Variants in NPAS3 observed in about 807,000 individuals in gnomAD.
NPAS3 encodes the protein neuronal PAS domain-containing protein 3.
In NPAS3, 14 loss-of-function variants were observed where a neutral mutation model predicts 73.1. That is an observed-to-expected ratio of 0.19 (90% confidence interval 0.13 to 0.30). The LOEUF (loss-of-function observed/expected upper bound fraction) is 0.30, where lower values mean the gene tolerates loss of function less well. Ranked by LOEUF, NPAS3 falls within the 10% of genes least tolerant of loss-of-function variation. The pLI is 1.00. For synonymous variants in NPAS3, 620 were observed against 541.5 expected (o/e 1.14, Z -2.01); for missense variants, 1,096 against 1,250.0 (o/e 0.88, Z 1.86).
At chr14:33,486,991 G>A (rs2051635935) in intron 4 of NPAS3, among the ~76,000 whole-genome samples, 1 of 152,062 alleles carries the variant, frequency 6.6e-6, no homozygotes, top group Non-Finnish European at 1.5e-5. Context: ...TTATTCCAGT[G>A]GTTAAATTTG....
At chr14:33,642,280 C>T (rs2058695019) in intron 5 of NPAS3, among the ~76,000 whole-genome samples, 1 of 152,072 alleles carries the variant, frequency 6.6e-6, no homozygotes. Context: ...CCCACCATCC[C>T]CCAGATTAAT....
intron 5 of NPAS3, among the ~76,000 whole-genome samples, chr14:33,667,678 G>A (rs989678373): frequency 6.6e-6 from 1 of 152,090 alleles, no homozygotes; most frequent in Non-Finnish European, 1.5e-5. Context: ...AAATAAAATA[G>A]CAGTATATTA....
At chr14:33,785,289 G>T (rs1336248227) in intron 9 of NPAS3, among the ~76,000 whole-genome samples, 1 of 151,564 alleles carries the variant, frequency 6.6e-6, no homozygotes, top group Non-Finnish European at 1.5e-5. Context: ...ACAAAAATTA[G>T]CTGGGCATGG....
chr14:33,078,400 T>G (rs2041744664), intron 2 of NPAS3, among the ~76,000 whole-genome samples: 1 of 152,108 alleles, frequency 6.6e-6, no homozygotes, highest in African/African-American at 2.4e-5. Flanking sequence ...TGCATTTAAA[T>G]TGGCTTCCAA....
chr14:33,667,358 G>T (rs938361152), intron 5 of NPAS3, among the ~76,000 whole-genome samples: 2 of 152,080 alleles, frequency 1.3e-5, no homozygotes, highest in African/African-American at 4.8e-5. Flanking sequence ...GCATTGTTCT[G>T]GTGAGACAAG....
chr14:33,290,134 C>T (rs1345224637), intron 3 of NPAS3, among the ~76,000 whole-genome samples: 2 of 152,130 alleles, frequency 1.3e-5, no homozygotes, highest in African/African-American at 4.8e-5. Flanking sequence ...ATATCTATCA[C>T]AGCTTTTAAA....
intron 4 of NPAS3, among the ~76,000 whole-genome samples, chr14:33,429,804 C>G (rs562492210): frequency 6.6e-6 from 1 of 152,264 alleles, no homozygotes; most frequent in Non-Finnish European, 1.5e-5. Flanking sequence ...TATGTGCTGC[C>G]TGGCTCTCCA....
chr14:33,800,373 A>C lies in NPAS3; in HGVS notation c.2066A>C (p.Glu689Ala). ...AGCATGACCAAGCCCCCCAGCTCTG[A>C]GCACTTCCCGTCCCCGCAGGGCGGC... Residue 689 changes from glutamate (E) to alanine (A), a missense_variant, in exon 12 of 12, where the codon GAG (glutamate) becomes GCG (alanine). Physicochemically the swap from Glu to Ala is moderately radical, Grantham distance 107 (BLOSUM62 -1). Coordinates refer to ENST00000356141, the Ensembl canonical transcript of NPAS3. The surrounding 1 kb of genome is among the most constrained non-coding windows in gnomAD (Gnocchi z 6.5). The C allele has an allele frequency of 6.2e-7, 1 of 1,609,410 alleles. No individual in the cohort carries two copies. The highest frequency in any genetic ancestry group is 2.3e-5 in the East Asian group (1 of 44,418).
chr14:33,034,326 C>T (rs1321467627), intron 1 of NPAS3, among the ~76,000 whole-genome samples: 1 of 151,438 alleles, frequency 6.6e-6, no homozygotes, highest in Non-Finnish European at 1.5e-5. Context: ...ATAAATGAAA[C>T]CTTGAGTCTT....
intron 4 of NPAS3, among the ~76,000 whole-genome samples, chr14:33,495,244 G>A (rs1055082687): frequency 1.3e-5 from 2 of 152,032 alleles, no homozygotes; most frequent in African/African-American, 2.4e-5. Flanking sequence ...CCCAGTAAAG[G>A]AGCAGGAGCA....
intron 6 of NPAS3, among the ~76,000 whole-genome samples, chr14:33,732,353 T>C (rs937832790): frequency 2.0e-5 from 3 of 152,242 alleles, no homozygotes; most frequent in African/African-American, 7.2e-5. Flanking sequence ...CGTGAGACAG[T>C]TCAAAAGCAT....
chr14:33,334,654 C>T (rs1207036784), intron 3 of NPAS3, among the ~76,000 whole-genome samples: 1 of 152,110 alleles, frequency 6.6e-6, no homozygotes, highest in Non-Finnish European at 1.5e-5. Context: ...TAGGCACCAT[C>T]TGATGTTCAG....
intron 4 of NPAS3, among the ~76,000 whole-genome samples, chr14:33,417,115 T>C (rs918664871): frequency 6.6e-6 from 1 of 152,022 alleles, no homozygotes; most frequent in Non-Finnish European, 1.5e-5. Context: ...GCAGCCTAAT[T>C]GATAGATATG....
intron 4 of NPAS3, among the ~76,000 whole-genome samples, chr14:33,476,134 G>A (rs1458799627): frequency 5.3e-5 from 8 of 152,150 alleles, no homozygotes; most frequent in Non-Finnish European, 7.4e-5. Context: ...TTTCTAATAC[G>A]TTGTTGGTTT....
At chr14:33,555,518 T>A (rs932537459) in intron 4 of NPAS3, among the ~76,000 whole-genome samples, 1 of 152,196 alleles carries the variant, frequency 6.6e-6, no homozygotes, top group Non-Finnish European at 1.5e-5. Flanking sequence ...ATTCAAAATT[T>A]AAAAAAAATT....
At chr14:33,353,991 G>A (rs2045208791) in intron 3 of NPAS3, among the ~76,000 whole-genome samples, 1 of 152,090 alleles carries the variant, frequency 6.6e-6, no homozygotes, top group Non-Finnish European at 1.5e-5. Flanking sequence ...CCACACCATG[G>A]TACATTAAGT....
At chr14:33,195,683 G>T (rs939354059) in intron 2 of NPAS3, among the ~76,000 whole-genome samples, 2 of 152,230 alleles carry the variant, frequency 1.3e-5, no homozygotes, top group African/African-American at 4.8e-5. Flanking sequence ...ACTGTTTTGT[G>T]CTCTGCCTTA....
chr14:32,938,450 A>C (rs2035771827), upstream of NPAS3, among the ~76,000 whole-genome samples: 1 of 135,144 alleles, frequency 7.4e-6, no homozygotes, highest in Non-Finnish European at 1.6e-5. Flanking sequence ...CCAGTCCCCC[A>C]ACGAGAAAGA....
intron 1 of NPAS3, among the ~76,000 whole-genome samples, chr14:32,973,866 C>T (rs1352302597): frequency 6.6e-6 from 1 of 152,112 alleles, no homozygotes; most frequent in African/African-American, 2.4e-5. Flanking sequence ...TCATTTCTAT[C>T]ACAAGGAAGC....
Sources: allele counts gnomAD v4.1 joint callset (sites outside exome capture counted in the v4.1 genomes callset), GRCh38; gene constraint gnomAD v4.1.1; non-coding constraint Gnocchi (gnomAD v3.1); transcripts MANE v1.5; gene names NCBI Gene and HGNC (gene_info 2026-07-23, HGNC 2026-07-21).